The following PATJ variants were observed in gnomAD, a reference collection of about 807,000 sequenced individuals.
The protein encoded by PATJ is PATJ crumbs cell polarity complex component.
In PATJ, 190 loss-of-function variants were observed where a neutral mutation model predicts 224.9. That is an observed-to-expected ratio of 0.84 (90% CI 0.75 to 0.95). The LOEUF is 0.95. Ranked by LOEUF, PATJ falls within the 40% of genes least tolerant of loss-of-function variation. The pLI is 0.00. For missense variants in PATJ, 2,121 were observed against 2,270.3 expected, an observed-to-expected ratio of 0.93 and a Z score of 1.34; for synonymous variants, 769 against 820.3, an observed-to-expected ratio of 0.94 and a Z score of 1.07.
intron 4 of PATJ, among the ~76,000 whole-genome samples, chr1:61,768,438 C>T (rs1646412752): frequency 6.7e-6 from 1 of 149,474 alleles, no homozygotes; most frequent in South Asian, 2.1e-4. Context: ...CCACTGCACT[C>T]CAGCCTGGGC....
intron 26 of PATJ, among the ~76,000 whole-genome samples, chr1:61,924,196 C>T (rs1019190643): frequency 6.6e-6 from 1 of 151,898 alleles, no homozygotes; most frequent in Non-Finnish European, 1.5e-5. Context: ...GGTGAAACCC[C>T]GTCTCTTCCA....
intron 28 of PATJ, among the ~76,000 whole-genome samples, chr1:62,011,103 C>G (rs1359126192): frequency 6.6e-6 from 1 of 152,226 alleles, no homozygotes; most frequent in Non-Finnish European, 1.5e-5. Flanking sequence ...CCAGACCACT[C>G]AAACTTTCTC....
chr1:62,098,610 C>G (rs892788557), intron 33 of PATJ, among the ~76,000 whole-genome samples: 15 of 150,632 alleles, frequency 1.0e-4, no homozygotes, highest in Admixed American at 8.6e-4. Flanking sequence ...AAAAAAAAGT[C>G]ATGTAGTTCA....
At chr1:61,946,344 A>T (rs1239610261) in intron 27 of PATJ, among the ~76,000 whole-genome samples, 1 of 152,212 alleles carries the variant, frequency 6.6e-6, no homozygotes, top group Non-Finnish European at 1.5e-5. Flanking sequence ...AAGAAAAGAG[A>T]GAAGAATCAA....
chr1:61,744,060 TATCTC>T (rs1325382335), intron 1 of PATJ, among the ~76,000 whole-genome samples: 1 of 152,124 alleles, frequency 6.6e-6, no homozygotes, highest in Non-Finnish European at 1.5e-5. Context: ...TCATGCCTGT[TATCTC>T]AGCTACTTAG....
At chr1:62,106,063 A>ATATATATAT (rs1553268231) in intron 33 of PATJ, among the ~76,000 whole-genome samples, 3 of 39,662 alleles carry the variant, frequency 7.6e-5, no homozygotes, top group African/African-American at 3.0e-4. Context: ...AAAAAAAAAA[A>ATATATATAT]ATATATATAT....
intron 14 of PATJ, chr1:61,816,547 T>G (rs1272131058): frequency 6.6e-6 from 1 of 152,150 alleles, no homozygotes; most frequent in East Asian, 1.9e-4. Flanking sequence ...ATAAAAAAAT[T>G]TTCAAAAAAG....
chr1:61,838,089 T>C (rs1404135091), intron 17 of PATJ, among the ~76,000 whole-genome samples: 16 of 152,118 alleles, frequency 1.1e-4, no homozygotes, highest in Non-Finnish European at 2.1e-4. Context: ...AGACAATAAA[T>C]GTGATTAGGT....
At chr1:62,044,471 A>G (rs1652139459) in intron 30 of PATJ, among the ~76,000 whole-genome samples, 1 of 152,232 alleles carries the variant, frequency 6.6e-6, no homozygotes, top group Non-Finnish European at 1.5e-5. Flanking sequence ...CATCTTGAAG[A>G]GGGAAACCCA....
intron 12 of PATJ, among the ~76,000 whole-genome samples, chr1:61,804,963 A>T (rs2148607913): frequency 6.6e-6 from 1 of 152,308 alleles, no homozygotes; most frequent in East Asian, 1.9e-4. Flanking sequence ...GTCTGAATGT[A>T]TTGTGTTGAT....
At chr1:61,994,652 T>A (rs1645254607) in intron 28 of PATJ, among the ~76,000 whole-genome samples, 2 of 152,116 alleles carry the variant, frequency 1.3e-5, no homozygotes, top group Non-Finnish European at 2.9e-5. Flanking sequence ...CCTCCCAGGT[T>A]CAAGCAATTC....
intron 9 of PATJ, among the ~76,000 whole-genome samples, 178 bp from the exon 10 acceptor site, chr1:61,795,289 A>C (rs1650840219): frequency 6.6e-6 from 1 of 152,092 alleles, no homozygotes; most frequent in Non-Finnish European, 1.5e-5. Flanking sequence ...TTTCAAATTC[A>C]GGTCACTTGA....
intron 14 of PATJ, among the ~76,000 whole-genome samples, chr1:61,811,843 C>T (rs4915782): frequency 0.42 from 62,953 of 150,450 alleles, 14,414 homozygotes; most frequent in Middle Eastern, 0.59. Context: ...GGGTGGATCA[C>T]GAGGTCAGGA....
intron 43 of PATJ, among the ~76,000 whole-genome samples, chr1:62,155,821 G>A (rs1246812383): frequency 6.6e-6 from 1 of 151,826 alleles, no homozygotes; most frequent in Non-Finnish European, 1.5e-5. Context: ...ACTTTGGGAG[G>A]CCGAGGCAGG....
At chr1:61,770,913 A>G (rs78252001) in intron 5 of PATJ, among the ~76,000 whole-genome samples, 1 of 92,622 alleles carries the variant, frequency 1.1e-5, no homozygotes, top group Non-Finnish European at 2.7e-5. Context: ...CCATGCCTGA[A>G]AAAAAAAAAA....
At chr1:61,777,673 C>CTATT (rs1451890883) in intron 7 of PATJ, among the ~76,000 whole-genome samples, 40 of 115,986 alleles carry the variant, frequency 3.4e-4, no homozygotes, top group African/African-American at 1.6e-3. Flanking sequence ...AATGGATATT[C>CTATT]TATTTTCTTC....
At chr1:61,747,480 C>CAG (rs1249008164) in intron 1 of PATJ, among the ~76,000 whole-genome samples, 1 of 152,166 alleles carries the variant, frequency 6.6e-6, no homozygotes, top group Non-Finnish European at 1.5e-5. Flanking sequence ...GTCTGCCTTA[C>CAG]AGAGATTTGG....
chr1:61,990,241 A>G lies in PATJ; in HGVS notation c.3744A>G (p.Gly1248=). 6.2e-7 allele frequency: 1 copy of G among 1,613,980 alleles called. No homozygotes were observed. The highest frequency in any genetic ancestry group is 1.1e-5 in the South Asian group (1 of 91,044). ...HIIELEKDKN[G]LGLSLAGNKD... ...TTGAACTTGAAAAAGATAAGAATGG[A>G]CTTGGACTCAGCCTTGCTGGTAATA... The change falls in exon 28 of 44, where the codon GGA becomes GGG. Residue 1248 remains glycine, a synonymous_variant. Coordinates refer to ENST00000642238, the MANE Select transcript of PATJ (RefSeq NM_001350145.3).
rs1294779152 is a variant in PATJ, at chr1:62,138,115, G to A, written c.5271+9170G>A. Among the ~76,000 whole-genome samples the A allele has an allele frequency of 2.6e-5, 4 of 152,202 alleles. No individual in the cohort carries two copies. In the East Asian group the frequency reaches 5.8e-4, roughly 22 times the overall value. ...GATCATAAGAGTTGGGGAGGATGAGGGGAAACCAAGTAGTTCATTAAATGC... is the reference window on the plus strand; with the variant it reads ...GATCATAAGAGTTGGGGAGGATGAGAGGAAACCAAGTAGTTCATTAAATGC... On this transcript the variant is annotated intron_variant, in intron 41 of 43. Coordinates refer to ENST00000642238, the MANE Select transcript of PATJ (RefSeq NM_001350145.3).
Sources: allele counts gnomAD v4.1 joint callset (sites outside exome capture counted in the v4.1 genomes callset), GRCh38; gene constraint gnomAD v4.1.1; transcripts MANE v1.5; gene names NCBI Gene and HGNC (gene_info 2026-07-23, HGNC 2026-07-21).